Variants in CADPS observed in about 807,000 individuals in gnomAD.
The protein encoded by CADPS is calcium dependent secretion activator, also known as calcium-dependent secretion activator 1.
A neutral mutation model predicts 167.3 loss-of-function variants in CADPS; 57 were observed. That is an observed-to-expected ratio of 0.34 (90% CI 0.28 to 0.42). The LOEUF is 0.42. Among genes scored for constraint, CADPS ranks in the 20% least tolerant of loss-of-function variants. The pLI is 1.00. For synonymous variants in CADPS, 676 were observed against 635.3 expected (o/e 1.06, Z -0.96); for missense variants, 1,414 against 1,738.1 (o/e 0.81, Z 3.32).
At chr3:62,790,206 T>C (rs2092812088) in intron 1 of CADPS, among the ~76,000 whole-genome samples, 1 of 152,164 alleles carries the variant, frequency 6.6e-6, no homozygotes, top group East Asian at 1.9e-4. Flanking sequence ...TTTTTATAAA[T>C]TATGGACACA....
intron 6 of CADPS, among the ~76,000 whole-genome samples, chr3:62,592,959 T>C (rs527804941): frequency 1.3e-5 from 2 of 152,370 alleles, no homozygotes; most frequent in Non-Finnish European, 1.5e-5. Context: ...AAAGTTGCCA[T>C]GGTCTTCACA....
intron 28 of CADPS, chr3:62,405,006 C>G (rs964851841): frequency 1.3e-5 from 2 of 151,810 alleles, no homozygotes; most frequent in South Asian, 4.2e-4. Context: ...AGAAGGGGCC[C>G]AGGGACAGGG....
intron 1 of CADPS, among the ~76,000 whole-genome samples, chr3:62,823,539 G>C (rs1322711461): frequency 6.6e-6 from 1 of 152,128 alleles, no homozygotes; most frequent in Non-Finnish European, 1.5e-5. Context: ...TGGGGCCAGA[G>C]AGCCTGTAGC....
chr3:62,449,504 C>T (rs745721885), intron 26 of CADPS, among the ~76,000 whole-genome samples: 4 of 152,130 alleles, frequency 2.6e-5, no homozygotes, highest in Non-Finnish European at 4.4e-5. Flanking sequence ...CTTAAGTTAT[C>T]CATATCCATA....
intron 8 of CADPS, among the ~76,000 whole-genome samples, chr3:62,573,296 G>T (rs995547502): frequency 1.3e-5 from 2 of 151,768 alleles, no homozygotes; most frequent in African/African-American, 4.8e-5. Flanking sequence ...TTTTTATTAC[G>T]GTATTTTTAT....
chr3:62,673,974 C>A (rs763665040), intron 3 of CADPS, among the ~76,000 whole-genome samples: 1 of 152,124 alleles, frequency 6.6e-6, no homozygotes, highest in Non-Finnish European at 1.5e-5. Flanking sequence ...CTAATCAAAT[C>A]GAATGCTTTT....
intron 13 of CADPS, among the ~76,000 whole-genome samples, chr3:62,518,879 T>C (rs2069682666): frequency 6.6e-6 from 1 of 152,184 alleles, no homozygotes; most frequent in Non-Finnish European, 1.5e-5. Context: ...TCAGATTTAT[T>C]TAAGTGCTCA....
At chr3:62,733,940 A>G (rs2152192979) in intron 3 of CADPS, among the ~76,000 whole-genome samples, 1 of 152,272 alleles carries the variant, frequency 6.6e-6, no homozygotes, top group East Asian at 1.9e-4. Flanking sequence ...AAAACATGTA[A>G]TAGTTTTCCA....
chr3:62,808,888 G>A (rs551842467), intron 1 of CADPS, among the ~76,000 whole-genome samples: 117 of 152,076 alleles, frequency 7.7e-4, no homozygotes, highest in African/African-American at 2.7e-3. Context: ...ACAGAATTCT[G>A]GACTTTTCCA....
Position 62,519,005 on chromosome 3 carries a change from G to T in CADPS, c.2292-755C>A, listed in dbSNP as rs542777897. On this transcript the variant is annotated intron_variant, in intron 13 of 29. Transcript: ENST00000383710. ...TTCAGTTTGATCATCATATTCTCAT[G>T]GTTCTGTGTCATCTTTAGGTGCATA... Among the ~76,000 whole-genome samples the T allele has an allele frequency of 3.3e-5, 5 of 152,228 alleles. No individual in the cohort carries two copies. The East Asian group carries it at 7.7e-4, about 24-fold the overall frequency.
At chr3:62,699,893 C>T (rs375993629) in intron 3 of CADPS, among the ~76,000 whole-genome samples, 2 of 152,056 alleles carry the variant, frequency 1.3e-5, no homozygotes, top group Admixed American at 6.6e-5. Context: ...ACAGACACAC[C>T]TATTTGTTTA....
chr3:62,846,762 C>T (rs566436303), intron 1 of CADPS, among the ~76,000 whole-genome samples: 11 of 152,058 alleles, frequency 7.2e-5, no homozygotes, highest in South Asian at 4.2e-4. Flanking sequence ...CTCCAGAGTT[C>T]GAGCAATTCT....
chr3:62,834,085 A>G (rs1425371090), intron 1 of CADPS, among the ~76,000 whole-genome samples: 1 of 152,200 alleles, frequency 6.6e-6, no homozygotes, highest in Non-Finnish European at 1.5e-5. Context: ...AAGAAAAAGA[A>G]AATCATGCGT....
In CADPS at chr3:62,761,275, C is replaced by T. The variant is rs556381110; in HGVS notation, c.555+4596G>A. Among the ~76,000 whole-genome samples, 19 of 152,092 alleles carry T rather than the reference C, an allele frequency of 1.2e-4. No homozygotes were observed. In the South Asian group the frequency reaches 3.1e-3, roughly 25 times the overall value. ...GATTAGGGCTTAATTTAATCACAGT[C>T]GGTTTCTGTTGCTAGCAACTAAAGA... On this transcript the variant is annotated intron_variant, in intron 2 of 29. Coordinates refer to ENST00000383710, the MANE Select transcript of CADPS (RefSeq NM_003716.4).
chr3:62,750,109 T>C (rs905861652), intron 3 of CADPS, among the ~76,000 whole-genome samples: 2 of 151,980 alleles, frequency 1.3e-5, no homozygotes, highest in East Asian at 3.9e-4. Context: ...CCCAGCACTT[T>C]GGGAGGCCGA....
intron 1 of CADPS, among the ~76,000 whole-genome samples, chr3:62,856,948 A>C (rs1205891658): frequency 6.6e-6 from 1 of 151,854 alleles, no homozygotes; most frequent in Admixed American, 6.6e-5. Context: ...CTTTCATTGC[A>C]TGAAACCCAG....
In CADPS at chr3:62,399,486, T is replaced by C; in HGVS notation, c.3982A>G (p.Thr1328Ala). The change falls in exon 30 of 30, where the codon ACA (threonine) becomes GCA (alanine). Residue 1328 changes from threonine (T) to alanine (A), a missense_variant. Thr to Ala is a moderately conservative substitution (Grantham distance 58). Around this residue, in one of 6 missense-constraint regions of CADPS, gnomAD observed 185 missense variants for 251.5 expected, o/e 0.74. Transcript: ENST00000383710. This position sits in a 1 kb window ranked among gnomAD's most constrained non-coding sequence, Gnocchi z 5.6. ...CCCCCACCTTCACTCACTGATGCTG[T>C]GGCTTCCTCCACAGTGAGACGGTTC... ...IRNRLTVEEA[T>A]ASVSEGGGLQ... is the part of the protein sequence containing the mutation. 6.2e-7 allele frequency: 1 copy of C among 1,614,178 alleles called. No homozygotes were observed. Among genetic ancestry groups the C allele is most frequent in the Non-Finnish European group, 8.5e-7 (1 of 1,179,998 alleles).
At chr3:62,532,017 A>G (rs551251747) in intron 13 of CADPS, among the ~76,000 whole-genome samples, 6 of 152,198 alleles carry the variant, frequency 3.9e-5, no homozygotes, top group African/African-American at 7.2e-5. Flanking sequence ...TGTGATCTCA[A>G]AAGTTCTTCC....
intron 24 of CADPS, chr3:62,473,629 T>C (rs1453749028): frequency 6.6e-6 from 1 of 152,228 alleles, no homozygotes; most frequent in Non-Finnish European, 1.5e-5. Flanking sequence ...GACTAAACTT[T>C]TGGTCAGGAA....
Sources: allele counts gnomAD v4.1 joint callset (sites outside exome capture counted in the v4.1 genomes callset), GRCh38; gene constraint gnomAD v4.1.1; regional missense constraint gnomAD v4.1.1; non-coding constraint Gnocchi (gnomAD v3.1); transcripts MANE v1.5; gene names NCBI Gene and HGNC (gene_info 2026-07-23, HGNC 2026-07-21).